MSR1: variants seen among roughly 807,000 people sequenced by gnomAD.
MSR1 encodes macrophage scavenger receptor types I and II.
Under a neutral mutation model 47.2 loss-of-function variants are expected in MSR1, and 53 were observed. That is an observed-to-expected ratio of 1.12 (90% CI 0.90 to 1.41). The LOEUF is 1.41. MSR1 is among the 40% of genes most tolerant of loss of function. The pLI, the probability that MSR1 is intolerant of heterozygous loss-of-function variation, is 0.00. For missense variants in MSR1, 786 were observed against 546.9 expected, an observed-to-expected ratio of 1.44 and a Z score of -4.36; for synonymous variants, 239 against 185.6, an observed-to-expected ratio of 1.29 and a Z score of -2.34.
chr8:16,166,169 T>A (rs1801302410), intron 4 of MSR1, among the ~76,000 whole-genome samples: 1 of 135,400 alleles, frequency 7.4e-6, no homozygotes, highest in Non-Finnish European at 1.6e-5. Flanking sequence ...TCTTTCTTTT[T>A]TTTTTTTTTT....
At chr8:16,171,228 CAAA>C (rs34662759) in intron 3 of MSR1, among the ~76,000 whole-genome samples, 10 of 75,428 alleles carry the variant, frequency 1.3e-4, no homozygotes, top group Non-Finnish European at 1.3e-4. Context: ...GACTCAGTCT[CAAA>C]AAAAAAAAAA....
intron 6 of MSR1, 76 bp downstream of exon 6, chr8:16,154,988 T>C (rs1800961123): frequency 1.6e-6 from 2 of 1,234,706 alleles, no homozygotes; most frequent in Non-Finnish European, 1.2e-6. Context: ...AAAATAGCAA[T>C]CCTCCCCTAC....
rs115013038 is a variant in MSR1, at chr8:16,130,502, G to T, written c.1034-9896C>A. Among the ~76,000 whole-genome samples the T allele has an allele frequency of 5.5e-3, 832 of 152,146 alleles. 13 individuals are homozygous for T. The highest frequency in any genetic ancestry group is 0.019 in the African/African-American group (788 of 41,514). ...TCATTTTTTAAAACTTTTATATTAG[G>T]TTCAGGCGTACCTGTGAAGGTTGGT... On this transcript the variant is annotated intron_variant, in intron 8 of 9. Transcript: ENST00000262101.
chr8:16,160,188 C>A (rs764139659), intron 5 of MSR1, among the ~76,000 whole-genome samples: 2 of 151,434 alleles, frequency 1.3e-5, no homozygotes, highest in Non-Finnish European at 2.9e-5. Context: ...GGATTACAGT[C>A]TGGGCAGGAA....
intron 8 of MSR1, 124 bp from the exon 9 acceptor site, chr8:16,120,730 T>G: frequency 8.7e-7 from 1 of 1,154,778 alleles, no homozygotes; most frequent in Non-Finnish European, 1.2e-6. Flanking sequence ...CCAAATAACT[T>G]CAACTATTGG....
intron 1 of MSR1, among the ~76,000 whole-genome samples, chr8:16,183,654 C>T (rs647136): frequency 0.22 from 30,256 of 138,790 alleles, 4,290 homozygotes; most frequent in East Asian, 0.54. Context: ...AATATATTAT[C>T]ATATTAATAT....
At chr8:16,121,089 T>C (rs1404395364) in intron 8 of MSR1, 1 of 396,898 alleles carries the variant, frequency 2.5e-6, no homozygotes, top group Non-Finnish European at 4.9e-6. Flanking sequence ...TGATCAAACT[T>C]CATATCTTTT....
chr8:16,165,040 TCATA>T (rs149357772), intron 4 of MSR1, among the ~76,000 whole-genome samples: 1,644 of 152,216 alleles, frequency 0.011, 32 homozygotes, highest in African/African-American at 0.037. Flanking sequence ...GGATTCCTAT[TCATA>T]GTGTTTTGAG....
intron 8 of MSR1, among the ~76,000 whole-genome samples, chr8:16,132,385 T>A (rs564271419): frequency 9.9e-5 from 15 of 152,284 alleles, no homozygotes; most frequent in Admixed American, 9.2e-4. Flanking sequence ...AAAGAGCTTT[T>A]GGGTCAAGAC....
At chr8:16,160,294 T>C (rs1457947427) in intron 5 of MSR1, among the ~76,000 whole-genome samples, 1 of 152,114 alleles carries the variant, frequency 6.6e-6, no homozygotes, top group East Asian at 1.9e-4. Context: ...TGAGAACTAA[T>C]GGTGGTCTTG....
At chr8:16,152,725 T>G (rs941245803) in intron 6 of MSR1, among the ~76,000 whole-genome samples, 2 of 152,042 alleles carry the variant, frequency 1.3e-5, no homozygotes, top group Non-Finnish European at 2.9e-5. Flanking sequence ...TTGTCATGGG[T>G]AAAATCAGCC....
intron 5 of MSR1, among the ~76,000 whole-genome samples, chr8:16,162,539 T>A (rs1316628252): frequency 2.0e-5 from 3 of 152,002 alleles, no homozygotes; most frequent in Non-Finnish European, 1.5e-5. Flanking sequence ...CAGGGTTAAA[T>A]AATTTACCAA....
intron 5 of MSR1, among the ~76,000 whole-genome samples, chr8:16,158,307 T>G (rs1358477788): frequency 6.6e-6 from 1 of 151,966 alleles, no homozygotes; most frequent in Non-Finnish European, 1.5e-5. Flanking sequence ...GCTTCCTCCA[T>G]GATTACTTCT....
At chr8:16,160,339 A>T (rs976324529) in intron 5 of MSR1, among the ~76,000 whole-genome samples, 15 of 152,014 alleles carry the variant, frequency 9.9e-5, no homozygotes, top group African/African-American at 3.6e-4. Flanking sequence ...ATAGCTTGGA[A>T]ACCAGGAAGA....
At chr8:16,169,676 C>T (rs2117185987) in intron 3 of MSR1, among the ~76,000 whole-genome samples, 1 of 152,074 alleles carries the variant, frequency 6.6e-6, no homozygotes, top group Admixed American at 6.5e-5. Context: ...TTTAAACAAT[C>T]TGGAAACAAC....
At chr8:16,115,119 C>T (rs975296146) in intron 9 of MSR1, among the ~76,000 whole-genome samples, 6 of 151,970 alleles carry the variant, frequency 3.9e-5, no homozygotes, top group Non-Finnish European at 7.4e-5. Flanking sequence ...GCAGAGGTTG[C>T]GGTGAGCCGA....
chr8:16,169,974 C>T (rs181099454), intron 3 of MSR1, among the ~76,000 whole-genome samples: 1 of 152,194 alleles, frequency 6.6e-6, no homozygotes, highest in Admixed American at 6.5e-5. Context: ...GTTCTCTAAA[C>T]AATCTAATTA....
rs1183664160 is a variant in MSR1 at position 16,175,261 on chromosome 8, G to T, written c.143C>A (p.Ser48Tyr). Reference protein sequence around the residue: ...NSPSLQEKLKSFKAALIALYL... With the variant: ...NSPSLQEKLKYFKAALIALYL... ...AAGGGCAATCAGTGCAGCTTTGAAG[G>T]ACTTCAGTTTCTCTTGAAGGGAAGG... The change falls in exon 3 of 10, where the codon TCC becomes TAC. Residue 48 changes from serine (S) to tyrosine (Y), a missense_variant. By Grantham distance (144) the Ser-to-Tyr change is moderately radical (BLOSUM62 -2). Coordinates refer to ENST00000262101, the MANE Select transcript of MSR1 (RefSeq NM_138715.3). 6.2e-7 allele frequency: 1 copy of T among 1,614,048 alleles called. No individual in the cohort carries two copies. The highest frequency in any genetic ancestry group is 1.3e-5 in the African/African-American group (1 of 75,034).
At chr8:16,182,921 T>A (rs1801878182) in intron 1 of MSR1, among the ~76,000 whole-genome samples, 1 of 152,162 alleles carries the variant, frequency 6.6e-6, no homozygotes, top group Non-Finnish European at 1.5e-5. Flanking sequence ...CGTAACTGTA[T>A]GTGCTATACT....
Sources: allele counts gnomAD v4.1 joint callset (sites outside exome capture counted in the v4.1 genomes callset), GRCh38; gene constraint gnomAD v4.1.1; transcripts MANE v1.5; gene names NCBI Gene and HGNC (gene_info 2026-07-23, HGNC 2026-07-21).